Variants in BIRC6 observed in about 807,000 individuals in gnomAD.
BIRC6 encodes the protein dual E2 ubiquitin-conjugating enzyme/E3 ubiquitin-protein ligase BIRC6.
In BIRC6, 98 loss-of-function variants were observed where a neutral mutation model predicts 503.3. The ratio of observed to expected loss-of-function variants is 0.19; its 90% CI spans 0.17 to 0.23. The LOEUF (loss-of-function observed/expected upper bound fraction) is 0.23. Ranked by LOEUF, BIRC6 falls within the 10% of genes least tolerant of loss-of-function variation. BIRC6 has a pLI of 1.00. For missense variants in BIRC6, 5,360 were observed against 5,806.0 expected, an observed-to-expected ratio of 0.92 and a Z score of 2.50; for synonymous variants, 2,240 against 2,078.7, an observed-to-expected ratio of 1.08 and a Z score of -2.11.
intron 6 of BIRC6, among the ~76,000 whole-genome samples, chr2:32,397,673 T>C (rs568196221): frequency 3.2e-4 from 42 of 132,976 alleles, no homozygotes; most frequent in East Asian, 1.4e-3. Context: ...TATATATATA[T>C]ACACACACAC....
At chr2:32,429,324 A>T (rs772157534) in intron 11 of BIRC6, 29 bp downstream of exon 11, 14 of 1,422,700 alleles carry the variant, frequency 9.8e-6, no homozygotes, top group African/African-American at 7.3e-5. Context: ...AAATGATTTT[A>T]AAAAAAGAAT....
Position 32,543,314 on chromosome 2 carries a change from T to A in BIRC6, c.12365T>A (p.Ile4122Asn). 6.2e-7 allele frequency: 1 copy of A among 1,613,982 alleles called. No homozygotes were observed. Among genetic ancestry groups the A allele is most frequent in the Non-Finnish European group, 8.5e-7 (1 of 1,179,872 alleles). The change falls in exon 62 of 74, where the codon ATT (isoleucine) becomes AAT (asparagine). Residue 4122 changes from isoleucine to asparagine, a missense_variant. By Grantham distance (149) the Ile-to-Asn change is moderately radical. This residue lies in a region of BIRC6 where 878 missense variants were observed against 928.9 expected (regional missense o/e 0.95). Coordinates refer to ENST00000421745, the MANE Select transcript of BIRC6 (RefSeq NM_016252.4). ...AGCGATCAGTTTGAATGGGTGACCA[T>A]TGAACAGTCAGGGGAGTTAGTTTAT... The part of the protein sequence containing the change: ...KDSDQFEWVT[I>N]EQSGELVYEA...
chr2:32,553,711 T>G (rs758287052), intron 65 of BIRC6, among the ~76,000 whole-genome samples: 1 of 151,724 alleles, frequency 6.6e-6, no homozygotes, highest in Non-Finnish European at 1.5e-5. Flanking sequence ...ATGGAGACTT[T>G]AAAAAAAAGC....
chr2:32,540,436 C>T (rs887575145), intron 61 of BIRC6, among the ~76,000 whole-genome samples: 1 of 151,942 alleles, frequency 6.6e-6, no homozygotes, highest in Non-Finnish European at 1.5e-5. Context: ...AAAGTGAGCA[C>T]GTCCTTATTA....
Position 32,380,183 on chromosome 2 carries a change from A to G in BIRC6, c.538A>G (p.Lys180Glu). Residue 180 changes from lysine to glutamate, a missense_variant, in exon 3 of 74, where the codon AAG (lysine) becomes GAG (glutamate). By Grantham distance (56) the Lys-to-Glu change is moderately conservative. This residue lies in a region of BIRC6 where 134 missense variants were observed against 150.9 expected (regional missense o/e 0.89). Transcript: ENST00000421745. ...GCAGCTCTTATCAGCATGTTTAGAA[A>G]AGGTAGATATTTCTAGTACAGAGGG... Reference protein sequence around the residue: ...AQQLLSACLEKVDISSTEGYD... With the variant: ...AQQLLSACLEEVDISSTEGYD... 1 of 1,575,410 alleles carries G rather than the reference A, an allele frequency of 6.3e-7. No individual in the cohort carries two copies. Among genetic ancestry groups the G allele is most frequent in the Non-Finnish European group, 8.6e-7 (1 of 1,164,484 alleles).
chr2:32,520,517 A>G (rs1408818138), intron 57 of BIRC6, among the ~76,000 whole-genome samples: 2 of 152,158 alleles, frequency 1.3e-5, no homozygotes, highest in Non-Finnish European at 2.9e-5. Context: ...AAAAATGAAA[A>G]TTAAAAAGTA....
At chr2:32,613,071 C>T (rs1002086580) in intron 73 of BIRC6, among the ~76,000 whole-genome samples, 1 of 152,040 alleles carries the variant, frequency 6.6e-6, no homozygotes, top group African/African-American at 2.4e-5. Flanking sequence ...TCTGCTCTCC[C>T]TCCTCCAGGC....
chr2:32,616,484 T>C (rs556842343), intron 73 of BIRC6, among the ~76,000 whole-genome samples: 149 of 144,726 alleles, frequency 1.0e-3, no homozygotes, highest in African/African-American at 3.5e-3. Flanking sequence ...TGCTTGCGTC[T>C]GGGAGGTGGA....
chr2:32,496,304 C>CA (rs1223068885), intron 45 of BIRC6, among the ~76,000 whole-genome samples: 1 of 151,902 alleles, frequency 6.6e-6, no homozygotes, highest in Non-Finnish European at 1.5e-5. Context: ...AGACTCACTG[C>CA]AACCTCCACC....
At chr2:32,457,189 T>C (rs1164171482) in intron 23 of BIRC6, among the ~76,000 whole-genome samples, 2 of 152,234 alleles carry the variant, frequency 1.3e-5, no homozygotes, top group African/African-American at 4.8e-5. Context: ...TACTTTCAAC[T>C]TTTCAGTGTT....
At position 32,467,694 on chromosome 2, in the gene BIRC6, A is replaced by G. The variant is rs575578025; in HGVS notation, c.5526A>G (p.Leu1842=). ...VVATDISTHS[L]ILHDLIPPPV... ...CAACTGATATAAGCACTCATTCACT[A>G]ATTCTTCATGACTTAATACCACCTC... Residue 1842 remains leucine (L), a synonymous_variant, in exon 27 of 74, where the codon CTA becomes CTG. Coordinates refer to ENST00000421745, the MANE Select transcript of BIRC6 (RefSeq NM_016252.4). 1 of 1,613,926 alleles carries G rather than the reference A, an allele frequency of 6.2e-7. No homozygotes were observed. Among genetic ancestry groups the G allele is most frequent in the Non-Finnish European group, 8.5e-7 (1 of 1,179,850 alleles).
chr2:32,369,943 A>ATAT (rs1284240428), intron 1 of BIRC6, among the ~76,000 whole-genome samples: 3 of 32,302 alleles, frequency 9.3e-5, no homozygotes, highest in Non-Finnish European at 1.5e-4. Flanking sequence ...AAAAAAAAAA[A>ATAT]AAATATATAT....
At chr2:32,577,589 T>C (rs1345812487) in intron 66 of BIRC6, among the ~76,000 whole-genome samples, 1 of 152,212 alleles carries the variant, frequency 6.6e-6, no homozygotes, top group Non-Finnish European at 1.5e-5. Flanking sequence ...TTATAGAGTA[T>C]TGAATTCTAA....
intron 2 of BIRC6, among the ~76,000 whole-genome samples, chr2:32,378,315 A>G (rs2037124458): frequency 6.6e-6 from 1 of 151,952 alleles, no homozygotes. Context: ...TCTCTCATAT[A>G]GCCTCATATT....
Position 32,536,738 on chromosome 2 carries a change from G to A in BIRC6, c.12291+5187G>A, listed in dbSNP as rs180981323. ...GTAGTATAGTTTGAAGTCAGGTAGC[G>A]TGATGTCTCCAGCTTTGTTCTTTTG... On this transcript the variant is annotated intron_variant, in intron 61 of 73. Transcript: ENST00000421745. Among the ~76,000 whole-genome samples the A allele has an allele frequency of 2.4e-3, 372 of 152,292 alleles. 2 individuals carry two copies. Among genetic ancestry groups the A allele is most frequent in the Admixed American group, 6.5e-3 (99 of 15,298 alleles).
chr2:32,406,902 A>G (rs936652766), intron 9 of BIRC6, among the ~76,000 whole-genome samples: 4 of 152,242 alleles, frequency 2.6e-5, no homozygotes, highest in Admixed American at 6.5e-5. Flanking sequence ...GTAGGTGAAT[A>G]AAGAACTACA....
At chr2:32,420,740 G>C (rs555972798) in intron 10 of BIRC6, among the ~76,000 whole-genome samples, 108 of 152,190 alleles carry the variant, frequency 7.1e-4, no homozygotes, top group African/African-American at 2.5e-3. Context: ...TTGAACTCCT[G>C]ACCTCAAGTG....
intron 1 of BIRC6, among the ~76,000 whole-genome samples, chr2:32,371,966 C>T (rs751629835): frequency 6.6e-6 from 1 of 151,366 alleles, no homozygotes; most frequent in Non-Finnish European, 1.5e-5. Flanking sequence ...CCACCGTGCC[C>T]AGTTATTTTT....
At position 32,460,209 on chromosome 2, in the gene BIRC6, G is replaced by GAT. The variant is rs200872682; in HGVS notation, c.4754-2974_4754-2973dup. On this transcript the variant is annotated intron_variant, in intron 23 of 73. Transcript: ENST00000421745. ...CTCATATGTGATATATATCATATATGATATATATATATCTCATATGATATA... is the reference window on the plus strand; with the variant it reads ...CTCATATGTGATATATATCATATATGATATATATATATATCTCATATGATATA... 4.4e-4 allele frequency among the ~76,000 whole-genome samples: 42 copies of GAT among 95,108 alleles called. 1 individual carries two copies. The highest frequency in any genetic ancestry group is 1.2e-3 in the African/African-American group (30 of 24,558). 62.4% of individuals were successfully genotyped at this position (95,108 alleles called of 152,430 possible).
Sources: gnomAD v4.1 joint callset for allele counts (sites outside exome capture counted in the v4.1 genomes callset) on GRCh38, gnomAD v4.1.1 for gene constraint, gnomAD v4.1.1 regional missense constraint, MANE v1.5 for transcripts, NCBI Gene and HGNC (gene_info 2026-07-23, HGNC 2026-07-21) for gene names.